The following FRMD4B variants were observed in gnomAD, a reference collection of about 807,000 sequenced individuals.
FRMD4B encodes FERM domain-containing protein 4B.
Under a neutral mutation model 141.5 loss-of-function variants are expected in FRMD4B, and 74 were observed. That is an observed-to-expected ratio of 0.52 (90% CI 0.43 to 0.63). The LOEUF (loss-of-function observed/expected upper bound fraction) is 0.63. FRMD4B is among the 30% of genes least tolerant of loss of function. The pLI, the probability that FRMD4B is intolerant of heterozygous loss-of-function variation, is 0.00. For missense variants in FRMD4B, 1,366 were observed against 1,253.4 expected, an observed-to-expected ratio of 1.09 and a Z score of -1.36; for synonymous variants, 506 against 467.9, an observed-to-expected ratio of 1.08 and a Z score of -1.05.
chr3:69,397,430 A>T (rs1022824955), intron 2 of FRMD4B, among the ~76,000 whole-genome samples: 1 of 152,204 alleles, frequency 6.6e-6, no homozygotes, highest in African/African-American at 2.4e-5. Context: ...TTGTGATTAT[A>T]CTAAAAACCA....
intron 2 of FRMD4B, among the ~76,000 whole-genome samples, chr3:69,406,685 T>C (rs1704654750): frequency 6.6e-6 from 1 of 152,152 alleles, no homozygotes; most frequent in South Asian, 2.1e-4. Flanking sequence ...CTGTCAATAA[T>C]GACTATGTTT....
chr3:69,270,569 CTTTTTTTTTTT>C (rs57693333), intron 5 of FRMD4B, among the ~76,000 whole-genome samples: 1 of 144,802 alleles, frequency 6.9e-6, no homozygotes, highest in East Asian at 2.1e-4. Context: ...TTCTTTTTTT[CTTTTTTTTTTT>C]TTTTGAGACG....
In FRMD4B at chr3:69,218,247, T is replaced by A. The variant is rs1422913785; in HGVS notation, c.789+75A>T. The A allele has an allele frequency of 9.4e-6, 7 of 744,438 alleles. No homozygotes were observed. The African/African-American group carries it at 1.2e-4, about 13-fold the overall frequency. The allele number at this position is 744,438 out of a possible 1,614,324, so 46.1% of individuals were successfully genotyped here. On this transcript the variant is annotated intron_variant, in intron 10 of 22. Transcript: ENST00000398540. ...AAGGCAAGATATAATCAGCCTTTTA[T>A]ATAGTATGAAAAAAGCTGGTATTGT...
At chr3:69,217,867 T>C (rs2093156950) in intron 10 of FRMD4B, among the ~76,000 whole-genome samples, 1 of 152,164 alleles carries the variant, frequency 6.6e-6, no homozygotes, top group South Asian at 2.1e-4. Context: ...CATCTGAAAA[T>C]ACTTTTCATC....
chr3:69,474,969 G>T (rs1705959172), intron 1 of FRMD4B, among the ~76,000 whole-genome samples: 1 of 152,142 alleles, frequency 6.6e-6, no homozygotes, highest in South Asian at 2.1e-4. Context: ...TTCAAGCTTA[G>T]ACCAAAAGAA....
At chr3:69,379,507 G>A (rs556624089) in intron 1 of FRMD4B, among the ~76,000 whole-genome samples, 153 of 152,254 alleles carry the variant, frequency 1.0e-3, no homozygotes, top group African/African-American at 3.6e-3. Flanking sequence ...TCAAACTCCT[G>A]GGCTCAAGTG....
intron 1 of FRMD4B, among the ~76,000 whole-genome samples, chr3:69,527,912 T>C (rs537847059): frequency 6.6e-6 from 1 of 152,322 alleles, no homozygotes; most frequent in African/African-American, 2.4e-5. Context: ...CCCCACAAAA[T>C]GGTCCTCACT....
At chr3:69,311,976 C>T (rs1226341662) in intron 2 of FRMD4B, among the ~76,000 whole-genome samples, 2 of 152,148 alleles carry the variant, frequency 1.3e-5, no homozygotes, top group African/African-American at 2.4e-5. Context: ...CTTGATGTTA[C>T]ATTGTTAGTA....
intron 1 of FRMD4B, among the ~76,000 whole-genome samples, chr3:69,377,317 T>A (rs186750752): frequency 1.2e-4 from 18 of 152,232 alleles, no homozygotes. Flanking sequence ...AGTAGCTGAG[T>A]CTGTTGTGGT....
At chr3:69,332,804 T>C (rs886076966) in intron 1 of FRMD4B, among the ~76,000 whole-genome samples, 1 of 147,736 alleles carries the variant, frequency 6.8e-6, no homozygotes, top group Non-Finnish European at 1.5e-5. Context: ...CCCAGGCTGT[T>C]CTCAAACTCC....
chr3:69,332,742 ATTTTTTT>A (rs58437578), intron 1 of FRMD4B, among the ~76,000 whole-genome samples: 40 of 67,548 alleles, frequency 5.9e-4, no homozygotes, highest in African/African-American at 1.8e-3. Flanking sequence ...ACACCTGGCT[ATTTTTTT>A]TTTTTTTTTT....
At position 69,169,478 on chromosome 3, in the gene FRMD4B, C is replaced by T. The variant is rs1440649375; in HGVS notation, c.*2383G>A. Among the ~76,000 whole-genome samples the T allele has an allele frequency of 1.3e-5, 2 of 151,820 alleles. No individual in the cohort carries two copies. The highest frequency in any genetic ancestry group is 2.9e-5 in the Non-Finnish European group (2 of 67,978). On this transcript the variant is annotated 3_prime_UTR_variant, in exon 23 of 23. Coordinates refer to ENST00000398540, the MANE Select transcript of FRMD4B (RefSeq NM_015123.3). Reference sequence around the variant, plus strand: ...GCTCAAGATATCCTCCCAACTCAGCCTCCCAAGTAGCTGAGATTACAGGCA... The same window carrying T: ...GCTCAAGATATCCTCCCAACTCAGCTTCCCAAGTAGCTGAGATTACAGGCA...
rs192992434 is a variant in FRMD4B, at chr3:69,352,308, C to T, written c.162+33520G>A. ...GATAAGATTATATTCCTTTTCACTC[C>T]TTCGGACATTAGATACCTTTAGATA... On this transcript the variant is annotated intron_variant, in intron 1 of 22. Transcript: ENST00000398540. 1.6e-3 allele frequency among the ~76,000 whole-genome samples: 241 copies of T among 152,288 alleles called. 2 individuals are homozygous for T. Among genetic ancestry groups the T allele is most frequent in the Admixed American group, 0.014 (210 of 15,280 alleles).
At chr3:69,298,423 C>T (rs1317857372) in intron 4 of FRMD4B, among the ~76,000 whole-genome samples, 1 of 152,176 alleles carries the variant, frequency 6.6e-6, no homozygotes, top group African/African-American at 2.4e-5. Context: ...CTTGCTGTGC[C>T]CTCCTGCCCT....
intron 1 of FRMD4B, among the ~76,000 whole-genome samples, chr3:69,472,938 C>CTTTTTTTTTTTTTTTTTTTTTTTT (rs71618285): frequency 9.2e-6 from 1 of 108,330 alleles, no homozygotes; most frequent in Non-Finnish European, 1.8e-5. Context: ...TTTTTTTTTT[C>CTTTTTTTTTTTTTTTTTTTTTTTT]TTTTTTTTTT....
Position 69,176,556 on chromosome 3 carries a change from G to T in FRMD4B, c.2952C>A (p.Gly984=). The part of the protein sequence containing the change: ...PAHSSYTSCY[G]NVYNPLPSPS... ...GAGAGGGTAAAGGATTATAGACATT[G>T]CCATAGCAGCTGGTGTAAGAAGAAT... The change falls in exon 22 of 23, where the codon GGC becomes GGA. Residue 984 remains glycine, a synonymous_variant. Transcript: ENST00000398540. The T allele has an allele frequency of 6.2e-7, 1 of 1,611,876 alleles. No individual in the cohort carries two copies. The highest frequency in any genetic ancestry group is 8.5e-7 in the Non-Finnish European group (1 of 1,177,952).
intron 1 of FRMD4B, among the ~76,000 whole-genome samples, chr3:69,359,936 T>C (rs947158971): frequency 3.3e-5 from 5 of 152,156 alleles, no homozygotes; most frequent in African/African-American, 1.2e-4. Context: ...GTCTCCCCAG[T>C]TGGGGGTAGA....
rs138064297 is a variant in FRMD4B, at chr3:69,343,314, T to C, written c.163-29797A>G. Among the ~76,000 whole-genome samples the C allele has an allele frequency of 6.3e-4, 96 of 152,278 alleles. No homozygotes were observed. The East Asian group carries it at 0.016, about 26-fold the overall frequency. ...GAGGGGAGGTCACTCAGTTTGTCAA[T>C]GACAAAGTAGGATTTACATGCAAAG... On this transcript the variant is annotated intron_variant, in intron 1 of 22. Coordinates refer to ENST00000398540, the MANE Select transcript of FRMD4B (RefSeq NM_015123.3).
intron 7 of FRMD4B, 107 bp from the exon 8 acceptor site, chr3:69,224,797 G>A: frequency 1.5e-6 from 1 of 666,442 alleles, no homozygotes; most frequent in East Asian, 2.7e-5. Flanking sequence ...ACAGCATGTT[G>A]GAGCCAACAT....
Sources: gnomAD v4.1 joint callset for allele counts (sites outside exome capture counted in the v4.1 genomes callset) on GRCh38, gnomAD v4.1.1 for gene constraint, MANE v1.5 for transcripts, NCBI Gene and HGNC (gene_info 2026-07-23, HGNC 2026-07-21) for gene names.